OMA1: variants seen among roughly 807,000 people sequenced by gnomAD.
The protein encoded by OMA1 is OMA1 zinc metallopeptidase, also known as metalloendopeptidase OMA1, mitochondrial.
OMA1 carries 38 observed loss-of-function variants against 30.9 expected under a neutral mutation model. That is an observed-to-expected ratio of 1.23 (90% CI 0.95 to 1.61). The LOEUF (loss-of-function observed/expected upper bound fraction) is 1.61, where lower values mean the gene tolerates loss of function less well. Among genes scored for constraint, OMA1 ranks in the 40% most tolerant of loss-of-function variants. OMA1 has a pLI of 0.00. For missense variants in OMA1, 461 were observed against 349.2 expected (o/e 1.32, Z -2.55); for synonymous variants, 173 against 121.9 (o/e 1.42, Z -2.76).
At chr1:58,531,716 CTT>C (rs11303484) in intron 5 of OMA1, among the ~76,000 whole-genome samples, 35 of 147,356 alleles carry the variant, frequency 2.4e-4, no homozygotes, top group Middle Eastern at 7.1e-3. Context: ...ATGGATTTAT[CTT>C]TTTTTTTTTG....
intron 8 of OMA1, among the ~76,000 whole-genome samples, chr1:58,501,556 G>C (rs928687185): frequency 3.3e-5 from 5 of 151,978 alleles, no homozygotes; most frequent in African/African-American, 1.2e-4. Context: ...TTTTCTTCTT[G>C]TTGCTCCTGC....
At chr1:58,497,047 C>A (rs1645814310) in intron 8 of OMA1, among the ~76,000 whole-genome samples, 1 of 152,168 alleles carries the variant, frequency 6.6e-6, no homozygotes, top group African/African-American at 2.4e-5. Flanking sequence ...ACTTCCAATG[C>A]AAAGCACTAT....
chr1:58,520,463 A>T (rs1232803983), intron 7 of OMA1, among the ~76,000 whole-genome samples: 1 of 152,210 alleles, frequency 6.6e-6, no homozygotes, highest in African/African-American at 2.4e-5. Flanking sequence ...ATAGACACAT[A>T]AAAATGTTCC....
At position 58,538,995 on chromosome 1, in the gene OMA1, C is replaced by T. The variant is rs764336619; in HGVS notation, c.300G>A (p.Trp100Ter). 1 of 872,826 alleles carries T rather than the reference C, an allele frequency of 1.1e-6. No individual in the cohort carries two copies. The highest frequency in any genetic ancestry group is 2.0e-6 in the Non-Finnish European group (1 of 501,614). The allele number at this position is 872,826 out of a possible 1,614,324, so 54.1% of individuals were successfully genotyped here. A position where few individuals can be genotyped will look rare whatever the true frequency, so the allele number is the denominator to read the frequency against. ...IWRITSKCTV[W>*]NDAFSRQLLI... ...GCAGCTGTCTTGAAAAAGCATCATT[C>T]CATACAGTACATTTGCTGGTAATCC... Residue 100 changes from tryptophan to a stop codon, truncating the protein, a stop_gained, in exon 2 of 9, where the codon TGG becomes TGA. Coordinates refer to ENST00000371226, the MANE Select transcript of OMA1 (RefSeq NM_145243.5). LOFTEE classifies it high-confidence loss of function.
At chr1:58,528,085 T>A (rs1440000912) in intron 6 of OMA1, among the ~76,000 whole-genome samples, 1 of 152,246 alleles carries the variant, frequency 6.6e-6, no homozygotes, top group African/African-American at 2.4e-5. Flanking sequence ...TGAAATAATA[T>A]AATAAATCTG....
intron 7 of OMA1, among the ~76,000 whole-genome samples, chr1:58,521,356 T>C (rs991208688): frequency 6.7e-6 from 1 of 150,202 alleles, no homozygotes; most frequent in African/African-American, 2.4e-5. Flanking sequence ...AAATAAATGA[T>C]AGTAGTATTC....
rs1646520019 is a variant in OMA1, at chr1:58,536,543, G to C, written c.699C>G (p.Phe233Leu). ...CATATTCCAGTTCCGATAAAAGTCT[G>C]AACTGTTCTTTCCCCAATAATAGTA... is the stretch of plus-strand genomic sequence containing the variant. Reference protein sequence around the residue: ...SKLLLLGKEQFRLLSELEYEA... With the variant: ...SKLLLLGKEQLRLLSELEYEA... The change falls in exon 3 of 9, where the codon TTC becomes TTG. Residue 233 changes from phenylalanine to leucine, a missense_variant. Physicochemically the swap from Phe to Leu is conservative, Grantham distance 22. Transcript: ENST00000371226. The C allele has an allele frequency of 2.3e-6, 2 of 872,596 alleles. No individual in the cohort carries two copies. Among genetic ancestry groups the C allele is most frequent in the Non-Finnish European group, 4.0e-6 (2 of 501,592 alleles). The allele number at this position is 872,596 out of a possible 1,614,324, so 54.1% of individuals were successfully genotyped here. A position where few individuals can be genotyped will look rare whatever the true frequency, so the allele number is the denominator to read the frequency against.
At chr1:58,491,645 A>T (rs888577975) in intron 8 of OMA1, among the ~76,000 whole-genome samples, 12 of 152,216 alleles carry the variant, frequency 7.9e-5, no homozygotes, top group Admixed American at 7.2e-4. Flanking sequence ...CTTTAAACCA[A>T]CAAAGATCAA....
intron 8 of OMA1, among the ~76,000 whole-genome samples, chr1:58,485,032 C>A (rs1645550336): frequency 6.6e-6 from 1 of 151,738 alleles, no homozygotes; most frequent in Non-Finnish European, 1.5e-5. Context: ...CAAGAGTAAA[C>A]CCTAATGGAC....
At chr1:58,500,342 A>T (rs1645886459) in intron 8 of OMA1, among the ~76,000 whole-genome samples, 2 of 152,176 alleles carry the variant, frequency 1.3e-5, no homozygotes, top group Admixed American at 6.5e-5. Context: ...TGAACAGTGT[A>T]TGTTTGTGTA....
intron 8 of OMA1, among the ~76,000 whole-genome samples, chr1:58,489,624 G>C (rs1407989398): frequency 6.6e-6 from 1 of 152,198 alleles, no homozygotes; most frequent in Non-Finnish European, 1.5e-5. Context: ...CTTGAGATCT[G>C]AGAACAGACA....
intron 7 of OMA1, among the ~76,000 whole-genome samples, chr1:58,508,217 TTGTC>T (rs1316296825): frequency 6.6e-5 from 10 of 152,188 alleles, no homozygotes; most frequent in African/African-American, 2.4e-4. Context: ...AGTGTTGAGT[TTGTC>T]TGTACTTCTC....
intron 3 of OMA1, among the ~76,000 whole-genome samples, chr1:58,535,843 T>C (rs1311006323): frequency 6.6e-6 from 1 of 152,046 alleles, no homozygotes; most frequent in African/African-American, 2.4e-5. Flanking sequence ...TCAAAAAATA[T>C]AATAAATTGC....
intron 8 of OMA1, among the ~76,000 whole-genome samples, chr1:58,490,771 G>C (rs907208446): frequency 1.4e-5 from 2 of 145,814 alleles, no homozygotes; most frequent in African/African-American, 2.5e-5. Flanking sequence ...AGCCAGAAGA[G>C]AGTGGGGGCC....
intron 6 of OMA1, among the ~76,000 whole-genome samples, chr1:58,528,995 A>AT (rs1474209772): frequency 6.6e-6 from 1 of 152,248 alleles, no homozygotes; most frequent in Non-Finnish European, 1.5e-5. Flanking sequence ...TGATTCCATT[A>AT]TAAAAAAAAG....
At chr1:58,510,183 A>T (rs1196718326) in intron 7 of OMA1, among the ~76,000 whole-genome samples, 1 of 152,158 alleles carries the variant, frequency 6.6e-6, no homozygotes, top group African/African-American at 2.4e-5. Context: ...ACTACAAAAA[A>T]AAATTACGGG....
chr1:58,492,443 C>CA (rs1320034141), intron 8 of OMA1, among the ~76,000 whole-genome samples: 3 of 152,068 alleles, frequency 2.0e-5, no homozygotes, highest in Admixed American at 6.5e-5. Context: ...AATAGAGACA[C>CA]AAAAAACCCT....
chr1:58,489,193 C>A (rs933797069), intron 8 of OMA1, among the ~76,000 whole-genome samples: 20 of 152,154 alleles, frequency 1.3e-4, no homozygotes, highest in Non-Finnish European at 1.5e-4. Context: ...CCTTTCCTAG[C>A]CAAGGAAAGG....
chr1:58,503,603 C>G (rs1052259051), intron 8 of OMA1, among the ~76,000 whole-genome samples: 1 of 151,918 alleles, frequency 6.6e-6, no homozygotes, highest in Non-Finnish European at 1.5e-5. Flanking sequence ...AAGGGTGGAG[C>G]CCTCATGAAT....
Sources: allele counts gnomAD v4.1 joint callset (sites outside exome capture counted in the v4.1 genomes callset), GRCh38; gene constraint gnomAD v4.1.1; transcripts MANE v1.5; gene names NCBI Gene and HGNC (gene_info 2026-07-23, HGNC 2026-07-21).